Variants in USP46 observed in about 807,000 individuals in gnomAD.
The protein encoded by USP46 is ubiquitin specific peptidase 46, also known as ubiquitin carboxyl-terminal hydrolase 46.
Under a neutral mutation model 44.4 loss-of-function variants are expected in USP46, and 12 were observed. The ratio of observed to expected loss-of-function variants is 0.27; its 90% CI spans 0.17 to 0.44. USP46 has a LOEUF of 0.44. Among genes scored for constraint, USP46 ranks in the 20% least tolerant of loss-of-function variants. USP46 has a pLI of 1.00. For synonymous variants in USP46, 155 were observed against 161.5 expected, an observed-to-expected ratio of 0.96 and a Z score of 0.31; for missense variants, 248 against 444.8, an observed-to-expected ratio of 0.56 and a Z score of 3.98.
rs149942848 is a variant in USP46 at position 52,628,226 on chromosome 4, G to C, written c.118-63C>G. 1.5e-3 allele frequency: 2,350 copies of C among 1,532,744 alleles called. 29 individuals are homozygous for C. In the African/African-American group the frequency reaches 0.028, roughly 18 times the overall value. 94.9% of individuals were successfully genotyped at this position (1,532,744 alleles called of 1,614,324 possible). ...TGGGGATGAGCCACCTCTGGAATAA[G>C]TGGTGAGGGTGAGAAGGTCCCTGCT... On this transcript the variant is annotated intron_variant, in intron 2 of 8. Coordinates refer to ENST00000441222, the MANE Select transcript of USP46 (RefSeq NM_022832.4).
At chr4:52,646,070 G>A (rs1339130594) in intron 1 of USP46, among the ~76,000 whole-genome samples, 1 of 152,156 alleles carries the variant, frequency 6.6e-6, no homozygotes, top group Non-Finnish European at 1.5e-5. Context: ...AAATTACCCA[G>A]TCTCAGGTAG....
chr4:52,621,467 C>G (rs1717372771), intron 4 of USP46, among the ~76,000 whole-genome samples: 1 of 152,042 alleles, frequency 6.6e-6, no homozygotes, highest in Non-Finnish European at 1.5e-5. Flanking sequence ...ACCAGCCTGA[C>G]CAACTTGGTA....
At chr4:52,615,221 T>TAAG (rs772627403) in intron 4 of USP46, among the ~76,000 whole-genome samples, 1 of 151,864 alleles carries the variant, frequency 6.6e-6, no homozygotes, top group Non-Finnish European at 1.5e-5. Flanking sequence ...TAATTACAAG[T>TAAG]AAGAGACAAA....
chr4:52,611,435 AG>A lies in USP46; in HGVS notation c.562-819del, dbSNP rs1343739388. ...TTTACTGTCTTGTTCCCGGAGTAGC[AG>A]GAACAGCTGGCAACAACCTTCAGGT... On this transcript the variant is annotated intron_variant, in intron 4 of 8. Coordinates refer to ENST00000441222, the MANE Select transcript of USP46 (RefSeq NM_022832.4). 6.6e-5 allele frequency among the ~76,000 whole-genome samples: 10 copies of A among 152,358 alleles called. No individual in the cohort carries two copies. In the East Asian group the frequency reaches 1.7e-3, roughly 26 times the overall value.
intron 1 of USP46, among the ~76,000 whole-genome samples, chr4:52,635,414 T>C (rs899028143): frequency 1.3e-5 from 2 of 152,218 alleles, no homozygotes; most frequent in East Asian, 1.9e-4. Flanking sequence ...CCATTTCAAG[T>C]GGCCCACAAC....
intron 5 of USP46, among the ~76,000 whole-genome samples, chr4:52,610,098 G>C (rs1381519980): frequency 6.7e-6 from 1 of 149,274 alleles, no homozygotes; most frequent in Non-Finnish European, 1.5e-5. Context: ...GCTAATTTTT[G>C]TATTTTTAGT....
chr4:52,649,757 G>A (rs1718684493), intron 1 of USP46, among the ~76,000 whole-genome samples: 1 of 152,190 alleles, frequency 6.6e-6, no homozygotes, highest in Non-Finnish European at 1.5e-5. Context: ...ATATGTGCTA[G>A]GCACTGTGCT....
intron 1 of USP46, among the ~76,000 whole-genome samples, chr4:52,645,239 A>AAAAAAAG (rs1553892587): frequency 1.5e-4 from 23 of 151,898 alleles, no homozygotes; most frequent in African/African-American, 5.6e-4. Context: ...AAAAAAAAAA[A>AAAAAAAG]AAAAGAAAAC....
intron 1 of USP46, among the ~76,000 whole-genome samples, chr4:52,632,330 C>G (rs953661364): frequency 1.1e-4 from 17 of 152,096 alleles, no homozygotes; most frequent in African/African-American, 3.6e-4. Context: ...AATGAGTCTT[C>G]TAGGATTAGG....
At chr4:52,601,491 A>G (rs927092408) in intron 7 of USP46, among the ~76,000 whole-genome samples, 4 of 152,250 alleles carry the variant, frequency 2.6e-5, no homozygotes, top group African/African-American at 9.6e-5. Context: ...CTTTATTTAC[A>G]CATCTTAAAA....
chr4:52,639,591 G>A (rs1011148750), intron 1 of USP46, among the ~76,000 whole-genome samples: 1 of 152,214 alleles, frequency 6.6e-6, no homozygotes, highest in Non-Finnish European at 1.5e-5. Context: ...AATCCTGCTA[G>A]CTAGAATCTA....
At chr4:52,636,705 C>CAAAAAAAA (rs1182691689) in intron 1 of USP46, among the ~76,000 whole-genome samples, 4 of 36,136 alleles carry the variant, frequency 1.1e-4, no homozygotes, top group East Asian at 9.0e-4. Flanking sequence ...GACTCTGTCT[C>CAAAAAAAA]AAAAAAAAAA....
chr4:52,610,159 C>T (rs1028271538), intron 5 of USP46, among the ~76,000 whole-genome samples: 3 of 151,278 alleles, frequency 2.0e-5, no homozygotes, highest in East Asian at 1.9e-4. Flanking sequence ...CTCCTGACCT[C>T]GTGATCCGCC....
chr4:52,610,702 C>T lies in USP46; in HGVS notation c.562-85G>A, dbSNP rs148710673. 8,569 of 1,268,066 alleles carry T rather than the reference C, an allele frequency of 6.8e-3. 54 individuals carry two copies. The highest frequency in any genetic ancestry group is 0.011 in the South Asian group (822 of 77,104). 78.6% of individuals were successfully genotyped at this position (1,268,066 alleles called of 1,614,324 possible). A position where few individuals can be genotyped will look rare whatever the true frequency, so the allele number is the denominator to read the frequency against. On this transcript the variant is annotated intron_variant, in intron 4 of 8. Transcript: ENST00000441222. ...AACATGTATAGGTAATCACCGACTG[C>T]AATAAAAACCATAACTGCAGTTAAA...
Position 52,627,854 on chromosome 4 carries a change from T to C in USP46, c.331+96A>G, listed in dbSNP as rs1043800722. The C allele has an allele frequency of 1.4e-4, 188 of 1,351,322 alleles. 1 individual carries two copies. The East Asian group carries it at 4.7e-3, about 33-fold the overall frequency. 83.7% of individuals were successfully genotyped at this position (1,351,322 alleles called of 1,614,324 possible). ...TAGTTAACCATGCTTATTTTCCCTTTTCAAAAAAATGCCAGCTCTTCCTTT... is the reference window on the plus strand; with the variant it reads ...TAGTTAACCATGCTTATTTTCCCTTCTCAAAAAAATGCCAGCTCTTCCTTT... On this transcript the variant is annotated intron_variant, in intron 3 of 8. Transcript: ENST00000441222.
chr4:52,605,595 T>G (rs773382882), intron 5 of USP46, among the ~76,000 whole-genome samples: 3 of 152,198 alleles, frequency 2.0e-5, no homozygotes, highest in Non-Finnish European at 4.4e-5. Flanking sequence ...ATTCATTAAG[T>G]CCCCAAATGT....
intron 1 of USP46, among the ~76,000 whole-genome samples, chr4:52,644,887 C>G (rs1718487866): frequency 6.6e-6 from 1 of 152,084 alleles, no homozygotes; most frequent in Non-Finnish European, 1.5e-5. Context: ...GACACCCCGT[C>G]TCTACTAAAA....
intron 1 of USP46, among the ~76,000 whole-genome samples, chr4:52,651,885 T>C (rs1335539365): frequency 1.3e-5 from 2 of 152,214 alleles, no homozygotes; most frequent in African/African-American, 4.8e-5. Flanking sequence ...GCTACTCTAT[T>C]ATCTTTTTGT....
chr4:52,629,685 C>T (rs1339491762), intron 2 of USP46: 1 of 456,146 alleles, frequency 2.2e-6, no homozygotes, highest in African/African-American at 2.0e-5. Context: ...GTGGACAACT[C>T]CTGGGAAGGG....
Sources: gnomAD v4.1 joint callset for allele counts (sites outside exome capture counted in the v4.1 genomes callset) on GRCh38, gnomAD v4.1.1 for gene constraint, MANE v1.5 for transcripts, NCBI Gene and HGNC (gene_info 2026-07-23, HGNC 2026-07-21) for gene names.